Variants in CCP110 observed in about 807,000 individuals in gnomAD.
CCP110 encodes the protein centriolar coiled-coil protein of 110 kDa.
Under a neutral mutation model 105.5 loss-of-function variants are expected in CCP110, and 43 were observed. That is an observed-to-expected ratio of 0.41 (90% CI 0.32 to 0.53). The LOEUF is 0.53. CCP110 is among the 20% of genes least tolerant of loss of function. The probability of loss-of-function intolerance (pLI) is 0.32; values close to 1 mark genes in which losing one functional copy is unlikely to be tolerated. For missense variants in CCP110, 1,016 were observed against 1,189.1 expected (o/e 0.85, Z 2.14); for synonymous variants, 353 against 392.1 (o/e 0.90, Z 1.18).
intron 11 of CCP110, 38 bp downstream of exon 11, chr16:19,545,928 C>T (rs758276907): frequency 1.7e-6 from 2 of 1,194,974 alleles, no homozygotes; most frequent in East Asian, 4.7e-5. Flanking sequence ...GTTATCAAAC[C>T]AATTAATTTT....
intron 3 of CCP110, among the ~76,000 whole-genome samples, chr16:19,534,034 T>G (rs922806574): frequency 6.6e-6 from 1 of 152,134 alleles, no homozygotes; most frequent in Admixed American, 6.6e-5. Flanking sequence ...GAGGTAGTAT[T>G]AAGAGAATTG....
At chr16:19,534,872 C>CTTTTT (rs35522152) in intron 3 of CCP110, among the ~76,000 whole-genome samples, 4 of 100,534 alleles carry the variant, frequency 4.0e-5, no homozygotes, top group East Asian at 2.6e-4. Flanking sequence ...AATATTCAGA[C>CTTTTT]TTTTTTTTTT....
exon 15 of CCP110, chr16:19,551,337 C>T (rs1383026814): frequency 3.3e-5 from 35 of 1,049,680 alleles, no homozygotes; most frequent in East Asian, 4.7e-5. Flanking sequence ...CCCTGGACTC[C>T]GTTTACACAG....
At chr16:19,528,779 G>T (rs1312463530) in intron 2 of CCP110, among the ~76,000 whole-genome samples, 1 of 152,156 alleles carries the variant, frequency 6.6e-6, no homozygotes, top group Non-Finnish European at 1.5e-5. Flanking sequence ...TGTGCCTGTA[G>T]TCCCAGCTCT....
intron 4 of CCP110, among the ~76,000 whole-genome samples, chr16:19,538,463 C>T (rs1970161501): frequency 6.6e-6 from 1 of 151,522 alleles, no homozygotes; most frequent in South Asian, 2.1e-4. Context: ...GTGCTTACCA[C>T]CTGGCCCAGC....
chr16:19,543,042 A>G lies in CCP110; in HGVS notation c.2484+48A>G, dbSNP rs140464329. 6.1e-4 allele frequency: 655 copies of G among 1,068,902 alleles called. 1 individual carries two copies. The highest frequency in any genetic ancestry group is 6.1e-3 in the African/African-American group (390 of 64,042). The allele number at this position is 1,068,902 out of a possible 1,614,324, so 66.2% of individuals were successfully genotyped here. A position where few individuals can be genotyped will look rare whatever the true frequency, so the allele number is the denominator to read the frequency against. On this transcript the variant is annotated intron_variant, in intron 8 of 14. Coordinates refer to ENST00000381396, the Ensembl canonical transcript of CCP110. ...GTATTTCACTTCTGTCTTAGTTTCT[A>G]TCAGTCTTGTGACAGCTGAGCTAAC...
intron 1 of CCP110, chr16:19,525,743 C>A (rs928499399): frequency 1.3e-5 from 2 of 152,492 alleles, no homozygotes; most frequent in Non-Finnish European, 2.9e-5. Context: ...TGATACTGTT[C>A]TGTGTAATGG....
intron 3 of CCP110, 39 bp downstream of exon 3, chr16:19,532,583 CATAAG>C: frequency 6.6e-7 from 1 of 1,517,868 alleles, no homozygotes; most frequent in Non-Finnish European, 8.9e-7. Flanking sequence ...ATAAAGAAAT[CATAAG>C]ATAAGCGTTG....
exon 15 of CCP110, chr16:19,552,926 A>G (rs1970687325): frequency 6.6e-6 from 1 of 152,220 alleles, no homozygotes; most frequent in African/African-American, 2.4e-5. Context: ...AAAAAGTCCA[A>G]GTTACCAATT....
intron 1 of CCP110, chr16:19,526,876 T>A (rs1413752906): frequency 6.6e-6 from 1 of 152,212 alleles, no homozygotes; most frequent in African/African-American, 2.4e-5. Flanking sequence ...TAAAGGAACA[T>A]GATTGTATTC....
At chr16:19,539,355 CTT>C (rs535078318) in intron 4 of CCP110, among the ~76,000 whole-genome samples, 16 of 143,108 alleles carry the variant, frequency 1.1e-4, no homozygotes, top group African/African-American at 2.8e-4. Context: ...ACCTGTGCAA[CTT>C]TTTTTTTTTT....
At position 19,536,170 on chromosome 16, in the gene CCP110, ATT is replaced by A; in HGVS notation, c.503_504del (p.Phe168Ter). 1 of 1,613,992 alleles carries A rather than the reference ATT, an allele frequency of 6.2e-7. No homozygotes were observed. The highest frequency in any genetic ancestry group is 1.1e-5 in the South Asian group (1 of 91,076). On this transcript the variant is annotated frameshift_variant, in exon 4 of 15. Coordinates refer to ENST00000381396, the Ensembl canonical transcript of CCP110. LOFTEE classifies it high-confidence loss of function. ...TAGACTTAGCTAGAGATTCAGAAGG[ATT>A]TAATTCTCCGAAGCAATGTGATAGT...
exon 15 of CCP110, chr16:19,552,998 A>T (rs947510763): frequency 5.9e-5 from 9 of 152,264 alleles, no homozygotes; most frequent in African/African-American, 2.2e-4. Flanking sequence ...GTGCTTTATC[A>T]TTCTGAAAAC....
chr16:19,526,223 T>C lies in CCP110; in HGVS notation c.-15-1644T>C, dbSNP rs1483974844. ...TGAAAGAAAAATAAAACTATGGCCA[T>C]AAAAGTATTATATTTCCTTAATAAT... On this transcript the variant is annotated intron_variant, in intron 1 of 14. Coordinates refer to ENST00000381396, the Ensembl canonical transcript of CCP110. The C allele has an allele frequency of 2.0e-5, 3 of 152,310 alleles. No homozygotes were observed. The East Asian group carries it at 5.8e-4, about 29-fold the overall frequency. 9.4% of individuals were successfully genotyped at this position (152,310 alleles called of 1,614,324 possible).
At chr16:19,541,695 G>GAAAGA (rs1970291100) in intron 5 of CCP110, among the ~76,000 whole-genome samples, 192 bp from the exon 6 acceptor site, 1 of 143,234 alleles carries the variant, frequency 7.0e-6, no homozygotes, top group Non-Finnish European at 1.5e-5. Context: ...AGGAAGGAAG[G>GAAAGA]AAAGAAAAGA....
chr16:19,547,715 G>A (rs1371801080), intron 12 of CCP110: 1 of 430,882 alleles, frequency 2.3e-6, no homozygotes, highest in African/African-American at 2.0e-5. Flanking sequence ...ACAAGGGTTA[G>A]TCTATATGTT....
intron 5 of CCP110, among the ~76,000 whole-genome samples, chr16:19,541,353 C>T (rs1970271536): frequency 6.6e-6 from 1 of 152,056 alleles, no homozygotes; most frequent in Admixed American, 6.6e-5. Flanking sequence ...AAATTATAGC[C>T]TGGGCGTGGT....
chr16:19,530,646 G>C (rs1969833229), intron 2 of CCP110, among the ~76,000 whole-genome samples: 1 of 150,964 alleles, frequency 6.6e-6, no homozygotes, highest in Admixed American at 6.6e-5. Context: ...TCGAGCCACT[G>C]CACAACAGCC....
At chr16:19,527,947 A>G (rs1164088640) in exon 2 of CCP110, 6 of 1,613,776 alleles carry the variant, frequency 3.7e-6, no homozygotes, top group African/African-American at 2.7e-5. Flanking sequence ...CACTATCCAC[A>G]GAGAGCTTTC....
Sources: allele counts gnomAD v4.1 joint callset (sites outside exome capture counted in the v4.1 genomes callset), GRCh38; gene constraint gnomAD v4.1.1; transcripts MANE v1.5; gene names NCBI Gene and HGNC (gene_info 2026-07-23, HGNC 2026-07-21).